TRPC5: variants seen among roughly 807,000 people sequenced by gnomAD.
TRPC5 encodes transient receptor potential cation channel subfamily C member 5, also known as short transient receptor potential channel 5.
A neutral mutation model predicts 56.5 loss-of-function variants in TRPC5; 9 were observed. The observed-to-expected ratio is 0.16, with a 90% CI of 0.10 to 0.28. The LOEUF is 0.28. Ranked by LOEUF, TRPC5 falls within the 10% of genes least tolerant of loss-of-function variation. The pLI is 1.00. For missense variants in TRPC5, 469 were observed against 748.9 expected, an observed-to-expected ratio of 0.63 and a Z score of 4.36; for synonymous variants, 282 against 278.5, an observed-to-expected ratio of 1.01 and a Z score of -0.13.
chrX:112,023,258 T>G (rs1051428539), intron 1 of TRPC5, among the ~76,000 whole-genome samples: 58 of 97,233 alleles, frequency 6.0e-4, no homozygotes, highest in Middle Eastern at 4.9e-3. Flanking sequence ...TTTTTTTTTT[T>G]TTTTTTTTTT....
At chrX:111,851,192 A>G (rs1321679447) in intron 5 of TRPC5, among the ~76,000 whole-genome samples, 1 of 112,494 alleles carries the variant, frequency 8.9e-6, no homozygotes, top group African/African-American at 3.2e-5. Flanking sequence ...CTTAAAATTT[A>G]TGCAATATGC....
At chrX:112,060,938 A>G (rs1310878187) in intron 1 of TRPC5, among the ~76,000 whole-genome samples, 2 of 112,278 alleles carry the variant, frequency 1.8e-5, no homozygotes, top group African/African-American at 3.2e-5. Context: ...GTGGACTCTT[A>G]GATGAAAATG....
At chrX:111,970,602 C>T (rs987159284) in intron 1 of TRPC5, among the ~76,000 whole-genome samples, 4 of 111,336 alleles carry the variant, frequency 3.6e-5, no homozygotes, top group African/African-American at 1.3e-4. Context: ...AATAGAACAG[C>T]TTCAAAATGA....
intron 3 of TRPC5, among the ~76,000 whole-genome samples, chrX:111,909,164 A>C (rs865865887): frequency 1.8e-3 from 43 of 24,421 alleles, no homozygotes; most frequent in South Asian, 8.7e-3. Flanking sequence ...AAAAAAAAAA[A>C]AAAAAAAAAC....
At chrX:111,999,770 AG>A (rs1017962167) in intron 1 of TRPC5, among the ~76,000 whole-genome samples, 3 of 111,715 alleles carry the variant, frequency 2.7e-5, no homozygotes, top group African/African-American at 9.8e-5. Context: ...GTTCGAGACC[AG>A]CCTGGCCAAC....
At chrX:111,901,746 C>CA in intron 3 of TRPC5, 1 of 635,068 alleles carries the variant, frequency 1.6e-6, no homozygotes, top group Non-Finnish European at 2.3e-6. Context: ...TGGCCTAAAC[C>CA]AACCACAGAA....
chrX:111,912,087 A>G (rs1925835912), intron 3 of TRPC5, among the ~76,000 whole-genome samples: 1 of 112,263 alleles, frequency 8.9e-6, no homozygotes, highest in Admixed American at 9.4e-5. Flanking sequence ...CTTTTCCACC[A>G]AAGAATCAGA....
intron 7 of TRPC5, among the ~76,000 whole-genome samples, chrX:111,819,198 C>A (rs1404671033): frequency 8.9e-6 from 1 of 112,035 alleles, no homozygotes; most frequent in Admixed American, 9.5e-5. Context: ...TTTTGAAGAA[C>A]AGATCCCTGT....
intron 3 of TRPC5, chrX:111,876,214 A>G (rs978876130): frequency 9.0e-6 from 1 of 110,904 alleles, no homozygotes; most frequent in Non-Finnish European, 1.9e-5. Flanking sequence ...TACAGCTCTG[A>G]TGTTTCTGGT....
chrX:112,010,606 G>C (rs1349534199), intron 1 of TRPC5, among the ~76,000 whole-genome samples: 1 of 111,097 alleles, frequency 9.0e-6, no homozygotes, highest in Non-Finnish European at 1.9e-5. Flanking sequence ...GGAAGTATTT[G>C]TGTATCTAAC....
chrX:111,905,456 T>A (rs1925559320), intron 3 of TRPC5, among the ~76,000 whole-genome samples: 1 of 112,159 alleles, frequency 8.9e-6, no homozygotes, highest in Non-Finnish European at 1.9e-5. Flanking sequence ...CTTGTATTGA[T>A]AAATAAAACT....
intron 1 of TRPC5, among the ~76,000 whole-genome samples, chrX:112,036,414 G>A (rs1398680126): frequency 9.0e-6 from 1 of 111,636 alleles, no homozygotes; most frequent in Non-Finnish European, 1.9e-5. Context: ...ACATAGATTA[G>A]AACAGACAAA....
At chrX:111,992,469 T>A (rs1412001523) in intron 1 of TRPC5, among the ~76,000 whole-genome samples, 1 of 111,669 alleles carries the variant, frequency 9.0e-6, no homozygotes, top group Non-Finnish European at 1.9e-5. Flanking sequence ...GTGGCTAAGA[T>A]AACTGACTGT....
chrX:112,056,700 C>T (rs1930348364), intron 1 of TRPC5, among the ~76,000 whole-genome samples: 1 of 112,160 alleles, frequency 8.9e-6, no homozygotes, highest in Admixed American at 9.5e-5. Context: ...GCTCATTTTC[C>T]TAAGAGGGTT....
chrX:111,984,685 G>A (rs1194826072), intron 1 of TRPC5, among the ~76,000 whole-genome samples: 1 of 111,750 alleles, frequency 8.9e-6, no homozygotes, highest in African/African-American at 3.3e-5. Flanking sequence ...TCAATGTAAT[G>A]AATTAGTGTG....
intron 2 of TRPC5, among the ~76,000 whole-genome samples, chrX:111,950,311 T>C (rs1274983504): frequency 4.8e-5 from 5 of 104,608 alleles, no homozygotes; most frequent in Admixed American, 3.1e-4. Flanking sequence ...GGTGACAGAG[T>C]GAGACTCCAT....
At chrX:111,834,865 G>A (rs772588194) in intron 7 of TRPC5, 56 bp downstream of exon 7, 6 of 962,483 alleles carry the variant, frequency 6.2e-6, no homozygotes, top group Non-Finnish European at 8.7e-6. Context: ...ACTCTATGCC[G>A]ATGTTGCCCC....
chrX:112,035,168 A>G (rs1439659468), intron 1 of TRPC5, among the ~76,000 whole-genome samples: 2 of 107,568 alleles, frequency 1.9e-5, no homozygotes, highest in Non-Finnish European at 3.8e-5. Flanking sequence ...TCTATTCCCC[A>G]CAATCCCATG....
At chrX:112,045,082 C>A (rs1054740982) in intron 1 of TRPC5, among the ~76,000 whole-genome samples, 1 of 112,324 alleles carries the variant, frequency 8.9e-6, no homozygotes, top group Non-Finnish European at 1.9e-5. Context: ...TCCCCCATAT[C>A]CATATCCCTG....
Sources: gnomAD v4.1 joint callset for allele counts (sites outside exome capture counted in the v4.1 genomes callset) on GRCh38, gnomAD v4.1.1 for gene constraint, MANE v1.5 for transcripts, NCBI Gene and HGNC (gene_info 2026-07-23, HGNC 2026-07-21) for gene names.